Variants in ZFHX3 observed in about 807,000 individuals in gnomAD.
The protein encoded by ZFHX3 is zinc finger homeobox protein 3.
ZFHX3 carries 42 observed loss-of-function variants against 279.1 expected under a neutral mutation model. The ratio of observed to expected loss-of-function variants is 0.15; its 90% CI spans 0.12 to 0.19. The LOEUF is 0.19. Ranked by LOEUF, ZFHX3 falls within the 10% of genes least tolerant of loss-of-function variation. ZFHX3 has a pLI of 1.00. For synonymous variants in ZFHX3, 2,293 were observed against 1,957.8 expected, an observed-to-expected ratio of 1.17 and a Z score of -4.52; for missense variants, 4,981 against 4,754.0, an observed-to-expected ratio of 1.05 and a Z score of -1.40.
intron 3 of ZFHX3, among the ~76,000 whole-genome samples, chr16:73,405,740 G>C (rs1048160165): frequency 1.3e-4 from 19 of 151,346 alleles, no homozygotes; most frequent in Non-Finnish European, 2.1e-4. Flanking sequence ...TTAAATACCA[G>C]GCTGGAATGC....
chr16:73,703,497 A>C (rs954877116), intron 1 of ZFHX3, among the ~76,000 whole-genome samples: 2 of 152,292 alleles, frequency 1.3e-5, no homozygotes. Context: ...AAAGCCAAAA[A>C]AAAAAAATTG....
intron 1 of ZFHX3, among the ~76,000 whole-genome samples, chr16:73,817,453 C>T (rs1340302975): frequency 6.6e-6 from 1 of 152,184 alleles, no homozygotes; most frequent in Non-Finnish European, 1.5e-5. Flanking sequence ...TGGCTATTAT[C>T]ATCTTTCAGG....
Position 73,358,990 on chromosome 16 carries a change from T to C in ZFHX3, c.-1290-40654A>G, listed in dbSNP as rs1205745145. Reference sequence around the variant, plus strand: ...AACAGTACCTGGTCCATAATAAGTATTTAATAAATGCTGCCTATTATCATT... The same window carrying C: ...AACAGTACCTGGTCCATAATAAGTACTTAATAAATGCTGCCTATTATCATT... On this transcript the variant is annotated intron_variant, in intron 3 of 17. Coordinates refer to the ZFHX3 transcript ENST00000641206. 1.3e-5 allele frequency among the ~76,000 whole-genome samples: 2 copies of C among 152,218 alleles called. 1 individual carries two copies. The highest frequency in any genetic ancestry group is 4.8e-5 in the African/African-American group (2 of 41,466).
chr16:72,877,167 G>A (rs992614977), intron 4 of ZFHX3, among the ~76,000 whole-genome samples: 6 of 152,138 alleles, frequency 3.9e-5, no homozygotes, highest in Non-Finnish European at 8.8e-5. Flanking sequence ...CTTCAGATCC[G>A]CCCAGGGTCT....
rs1394169549 is a variant in ZFHX3, at chr16:73,087,237, GTAAC to G, written c.-533+5994_-533+5997del. Among the ~76,000 whole-genome samples, 9 of 152,290 alleles carry G rather than the reference GTAAC, an allele frequency of 5.9e-5. No individual in the cohort carries two copies. In the South Asian group the frequency reaches 1.5e-3, roughly 25 times the overall value. On this transcript the variant is annotated intron_variant, in intron 8 of 17. Coordinates refer to the ZFHX3 transcript ENST00000641206. ...AGGCTGGTCCATCTCAAAGGGTCAT[GTAAC>G]TAACTACCTGTTGTGGGTTTGTGAA...
intron 3 of ZFHX3, chr16:73,421,026 A>G (rs547877162): frequency 7.2e-5 from 11 of 152,356 alleles, no homozygotes; most frequent in African/African-American, 2.4e-4. Context: ...TGTGTGTGAT[A>G]TGCTTAACTG....
At chr16:73,291,687 T>C (rs1037530134) in intron 4 of ZFHX3, among the ~76,000 whole-genome samples, 1 of 152,180 alleles carries the variant, frequency 6.6e-6, no homozygotes, top group Non-Finnish European at 1.5e-5. Context: ...CCTGAAGGAA[T>C]AGGCAGGTAC....
intron 3 of ZFHX3, among the ~76,000 whole-genome samples, chr16:73,427,867 C>T (rs570619517): frequency 2.8e-4 from 43 of 152,082 alleles, no homozygotes; most frequent in African/African-American, 6.3e-4. Flanking sequence ...CACTGGAACC[C>T]GGGAGGCAGA....
chr16:73,075,375 T>G (rs929981514), intron 8 of ZFHX3, among the ~76,000 whole-genome samples: 1 of 152,128 alleles, frequency 6.6e-6, no homozygotes, highest in Admixed American at 6.6e-5. Flanking sequence ...CTGCTGAGCC[T>G]GTGGGCTGGG....
At chr16:72,954,835 T>C (rs1052476112) in intron 2 of ZFHX3, among the ~76,000 whole-genome samples, 1 of 152,180 alleles carries the variant, frequency 6.6e-6, no homozygotes, top group Non-Finnish European at 1.5e-5. Flanking sequence ...TCAGTGTCTG[T>C]TTGATGATAC....
intron 3 of ZFHX3, among the ~76,000 whole-genome samples, chr16:73,438,266 A>T (rs1423607529): frequency 6.6e-6 from 1 of 152,218 alleles, no homozygotes; most frequent in East Asian, 1.9e-4. Flanking sequence ...ATTATCACAA[A>T]GTCAGATTAA....
At chr16:73,140,246 G>C (rs186799865) in intron 6 of ZFHX3, among the ~76,000 whole-genome samples, 2 of 152,058 alleles carry the variant, frequency 1.3e-5, no homozygotes, top group Admixed American at 6.6e-5. Flanking sequence ...GGGAGACAGA[G>C]TGAAACCCTG....
chr16:73,024,657 T>C (rs1964430158), intron 1 of ZFHX3, among the ~76,000 whole-genome samples: 1 of 152,202 alleles, frequency 6.6e-6, no homozygotes, highest in African/African-American at 2.4e-5. Context: ...AACCGCCATG[T>C]GTCAGTCGGG....
chr16:73,651,149 A>G (rs1360804242), intron 2 of ZFHX3, among the ~76,000 whole-genome samples: 1 of 152,092 alleles, frequency 6.6e-6, no homozygotes. Flanking sequence ...AACACAATAA[A>G]TCCATATAAC....
chr16:73,765,051 CCT>C (rs1182555182), intron 1 of ZFHX3, among the ~76,000 whole-genome samples: 2 of 152,210 alleles, frequency 1.3e-5, no homozygotes, highest in African/African-American at 4.8e-5. Context: ...CTTCCTCTTT[CCT>C]CTTCCCCGAA....
At chr16:73,079,597 C>T (rs925422300) in intron 8 of ZFHX3, among the ~76,000 whole-genome samples, 6 of 152,054 alleles carry the variant, frequency 3.9e-5, no homozygotes, top group Admixed American at 6.5e-5. Context: ...CCCTGGCCTC[C>T]CAAAGTGTTG....
chr16:72,914,078 A>G (rs1469129141), intron 3 of ZFHX3, among the ~76,000 whole-genome samples: 1 of 152,216 alleles, frequency 6.6e-6, no homozygotes, highest in Non-Finnish European at 1.5e-5. Flanking sequence ...ATCTGAACCC[A>G]GGCCCCCTGG....
intron 3 of ZFHX3, among the ~76,000 whole-genome samples, chr16:73,391,600 A>G (rs181503144): frequency 1.9e-4 from 29 of 152,306 alleles, no homozygotes; most frequent in Admixed American, 1.5e-3. Context: ...AACCCATAAT[A>G]GTACCTACTA....
intron 4 of ZFHX3, among the ~76,000 whole-genome samples, chr16:73,307,529 C>T (rs889401): frequency 0.78 from 118,687 of 152,182 alleles, 46,633 homozygotes; most frequent in African/African-American, 0.85. Context: ...AAAACAGTCA[C>T]GCCAGTAGCC....
Sources: gnomAD v4.1 joint callset for allele counts (sites outside exome capture counted in the v4.1 genomes callset) on GRCh38, gnomAD v4.1.1 for gene constraint, MANE v1.5 for transcripts, NCBI Gene and HGNC (gene_info 2026-07-23, HGNC 2026-07-21) for gene names.